Variants in PHRF1 observed in about 807,000 individuals in gnomAD.
PHRF1 encodes PHD and ring finger domains 1.
Under a neutral mutation model 128.9 loss-of-function variants are expected in PHRF1, and 53 were observed. The ratio of observed to expected loss-of-function variants is 0.41; its 90% CI spans 0.33 to 0.52. PHRF1 has a LOEUF of 0.52. Ranked by LOEUF, PHRF1 falls within the 20% of genes least tolerant of loss-of-function variation. The pLI is 0.21. For missense variants in PHRF1, 2,503 were observed against 2,284.5 expected (o/e 1.10, Z -1.95); for synonymous variants, 1,178 against 980.6 (o/e 1.20, Z -3.76).
rs186520739 is a variant in PHRF1 at position 600,906 on chromosome 11, C to T, written c.1025-668C>T. ...GCGTGAACCTGGGAGGCAGAGATTGCAGTGAGCTGAGATCACGCCACTGCA... is the reference window on the plus strand; with the variant it reads ...GCGTGAACCTGGGAGGCAGAGATTGTAGTGAGCTGAGATCACGCCACTGCA... On this transcript the variant is annotated intron_variant, in intron 9 of 17. Coordinates refer to ENST00000264555, the MANE Select transcript of PHRF1 (RefSeq NM_001286581.2). Among the ~76,000 whole-genome samples, 1,273 of 152,282 alleles carry T rather than the reference C, an allele frequency of 8.4e-3. 19 individuals are homozygous for T. The highest frequency in any genetic ancestry group is 0.029 in the African/African-American group (1,207 of 41,550).
intron 10 of PHRF1, among the ~76,000 whole-genome samples, chr11:602,152 C>T (rs1374733106): frequency 6.6e-6 from 1 of 152,164 alleles, no homozygotes; most frequent in African/African-American, 2.4e-5. Context: ...TTCGCTGGGC[C>T]CTGGGAGCGG....
intron 9 of PHRF1, among the ~76,000 whole-genome samples, chr11:600,915 G>A (rs1428671187): frequency 6.6e-6 from 1 of 152,088 alleles, no homozygotes; most frequent in African/African-American, 2.4e-5. Context: ...GCAGTGAGCT[G>A]AGATCACGCC....
intron 4 of PHRF1, among the ~76,000 whole-genome samples, chr11:590,839 G>T (rs1854928457): frequency 1.3e-5 from 2 of 152,008 alleles, no homozygotes; most frequent in African/African-American, 4.8e-5. Context: ...GAGTAGCTGG[G>T]GTTACAGGTA....
chr11:592,984 G>A (rs1166281892), intron 6 of PHRF1, among the ~76,000 whole-genome samples: 1 of 152,202 alleles, frequency 6.6e-6, no homozygotes, highest in Admixed American at 6.5e-5. Flanking sequence ...TCCTGGTCCC[G>A]GCCTTTGTGG....
chr11:593,315 T>C (rs964293615), intron 6 of PHRF1, among the ~76,000 whole-genome samples: 1 of 152,250 alleles, frequency 6.6e-6, no homozygotes, highest in Non-Finnish European at 1.5e-5. Flanking sequence ...TGGAAATCTT[T>C]CCCTTGTTGA....
intron 3 of PHRF1, among the ~76,000 whole-genome samples, chr11:583,687 G>A (rs1369667331): frequency 6.6e-6 from 1 of 152,174 alleles, no homozygotes; most frequent in Non-Finnish European, 1.5e-5. Context: ...AGCCCAGGAA[G>A]TTGAGGCTGC....
Position 609,735 on chromosome 11 carries a change from G to A in PHRF1, c.4264+15G>A, listed in dbSNP as rs760720276. The A allele has an allele frequency of 9.7e-6, 14 of 1,442,648 alleles. No individual in the cohort carries two copies. Among genetic ancestry groups the A allele is most frequent in the South Asian group, 8.4e-5 (6 of 71,620 alleles). 89.4% of individuals were successfully genotyped at this position (1,442,648 alleles called of 1,614,324 possible). A position where few individuals can be genotyped will look rare whatever the true frequency, so the allele number is the denominator to read the frequency against. On this transcript the variant is annotated intron_variant, in intron 14 of 17. Coordinates refer to ENST00000264555, the MANE Select transcript of PHRF1 (RefSeq NM_001286581.2). ...CAGAGCCCCCCGTGAGTAGTGCCCC[G>A]GCCCCCACCGAGGACAGAGCCCCCA... is the stretch of plus-strand genomic sequence containing the variant.
chr11:610,072 T>C, intron 14 of PHRF1, 124 bp from the exon 15 acceptor site: 1 of 1,250,672 alleles, frequency 8.0e-7, no homozygotes, highest in East Asian at 2.6e-5. Flanking sequence ...GTGCTGGGGG[T>C]GGATCTGAGG....
intron 6 of PHRF1, among the ~76,000 whole-genome samples, chr11:594,117 A>G (rs182774944): frequency 1.3e-5 from 2 of 152,266 alleles, no homozygotes; most frequent in South Asian, 2.1e-4. Context: ...AAAAAGAAAA[A>G]AAAAGGTGGA....
intron 3 of PHRF1, 53 bp from the exon 4 acceptor site, chr11:587,206 C>T (rs781710115): frequency 2.7e-5 from 43 of 1,565,434 alleles, no homozygotes; most frequent in African/African-American, 5.4e-5. Flanking sequence ...CCTCCAGTGC[C>T]GCGGTTCACG....
chr11:584,010 C>T (rs527635179), intron 3 of PHRF1, among the ~76,000 whole-genome samples: 2 of 152,322 alleles, frequency 1.3e-5, no homozygotes, highest in East Asian at 1.9e-4. Flanking sequence ...TCTGCATAGC[C>T]CTGTGGTTAT....
At chr11:591,876 A>T (rs1457838177) in intron 5 of PHRF1, among the ~76,000 whole-genome samples, 4 of 151,022 alleles carry the variant, frequency 2.6e-5, no homozygotes, top group African/African-American at 9.8e-5. Flanking sequence ...CCTCCTGAGT[A>T]GCTGGGTCCA....
chr11:598,700 G>T (rs1855452224), intron 9 of PHRF1, among the ~76,000 whole-genome samples, 198 bp downstream of exon 9: 1 of 152,244 alleles, frequency 6.6e-6, no homozygotes, highest in Non-Finnish European at 1.5e-5. Flanking sequence ...CGACCACGCT[G>T]CCTCTGGCAT....
At chr11:610,436 C>T (rs1271905772) in intron 15 of PHRF1, 65 bp from the exon 16 acceptor site, 2 of 1,555,376 alleles carry the variant, frequency 1.3e-6, no homozygotes, top group Non-Finnish European at 1.7e-6. Flanking sequence ...GCTGAGGCCT[C>T]ACAGCTCCTG....
intron 3 of PHRF1, among the ~76,000 whole-genome samples, chr11:586,066 G>T (rs771054793): frequency 1.3e-5 from 2 of 151,950 alleles, no homozygotes; most frequent in African/African-American, 2.4e-5. Context: ...TCACCATGTT[G>T]GCCAGGCTGG....
chr11:588,273 T>G (rs1854705383), intron 4 of PHRF1, among the ~76,000 whole-genome samples: 1 of 152,244 alleles, frequency 6.6e-6, no homozygotes, highest in Non-Finnish European at 1.5e-5. Flanking sequence ...ATGCTGCTGG[T>G]GGTGGCAGGC....
intron 10 of PHRF1, 94 bp from the exon 11 acceptor site, chr11:605,025 T>C: frequency 1.6e-6 from 2 of 1,281,770 alleles, no homozygotes; most frequent in Admixed American, 4.8e-5. Flanking sequence ...TAGTGTTCAC[T>C]GTTGCTGATG....
In PHRF1 at chr11:586,614, A is replaced by G. The variant is rs114494824; in HGVS notation, c.215-645A>G. Reference sequence around the variant, plus strand: ...TGTTTCATTGGAGTTTGGTACAAAGAAGATAGCAGTGCACGTATGGGCTCT... The same window carrying G: ...TGTTTCATTGGAGTTTGGTACAAAGGAGATAGCAGTGCACGTATGGGCTCT... On this transcript the variant is annotated intron_variant, in intron 3 of 17. Coordinates refer to ENST00000264555, the MANE Select transcript of PHRF1 (RefSeq NM_001286581.2). 2.8e-3 allele frequency among the ~76,000 whole-genome samples: 427 copies of G among 152,306 alleles called. 5 individuals carry two copies. The highest frequency in any genetic ancestry group is 9.7e-3 in the African/African-American group (405 of 41,556).
rs766421281 is a variant in PHRF1, at chr11:605,153, C to T, written c.1187C>T (p.Thr396Met). Residue 396 changes from threonine to methionine, a missense_variant, in exon 11 of 18, where the codon ACG becomes ATG. Transcript: ENST00000264555. ...EATTRSRIARTLGLRRPVHSS... is the reference protein window; with the variant it reads ...EATTRSRIARMLGLRRPVHSS... ...ACCACTCGCTCTCGAATCGCGCGGACGCTGGGCCTGCGCAGGCCTGTTCAC... is the reference window on the plus strand; with the variant it reads ...ACCACTCGCTCTCGAATCGCGCGGATGCTGGGCCTGCGCAGGCCTGTTCAC... 6.0e-5 allele frequency: 97 copies of T among 1,612,928 alleles called. No individual in the cohort carries two copies. Among genetic ancestry groups the T allele is most frequent in the Middle Eastern group, 1.7e-4 (1 of 6,060 alleles).
Sources: allele counts gnomAD v4.1 joint callset (sites outside exome capture counted in the v4.1 genomes callset), GRCh38; gene constraint gnomAD v4.1.1; transcripts MANE v1.5; gene names NCBI Gene and HGNC (gene_info 2026-07-23, HGNC 2026-07-21).